CLSTN2: variants seen among roughly 807,000 people sequenced by gnomAD.
CLSTN2 encodes calsyntenin 2.
Under a neutral mutation model 101.2 loss-of-function variants are expected in CLSTN2, and 48 were observed. The observed-to-expected ratio is 0.47, with a 90% CI of 0.38 to 0.60. CLSTN2 has a LOEUF of 0.60. Ranked by LOEUF, CLSTN2 falls within the 20% of genes least tolerant of loss-of-function variation. The probability of loss-of-function intolerance (pLI) is 0.00; values close to 1 mark genes in which losing one functional copy is unlikely to be tolerated. For synonymous variants in CLSTN2, 481 were observed against 463.6 expected (o/e 1.04, Z -0.48); for missense variants, 1,160 against 1,238.2 (o/e 0.94, Z 0.95).
chr3:140,237,749 A>G (rs1390106675), intron 2 of CLSTN2, among the ~76,000 whole-genome samples: 1 of 152,056 alleles, frequency 6.6e-6, no homozygotes, highest in African/African-American at 2.4e-5. Flanking sequence ...ACATTTTTGC[A>G]GTGTTCTGTT....
chr3:140,492,206 G>A (rs1017655276), intron 8 of CLSTN2, among the ~76,000 whole-genome samples: 1 of 152,190 alleles, frequency 6.6e-6, no homozygotes, highest in Non-Finnish European at 1.5e-5. Flanking sequence ...CAGAGCAACT[G>A]GGAGTTTTGT....
rs138092791 is a variant in CLSTN2, at chr3:139,978,380, C to T, written c.109+42897C>T. Among the ~76,000 whole-genome samples, 463 of 152,196 alleles carry T rather than the reference C, an allele frequency of 3.0e-3. 3 individuals are homozygous for T. Among genetic ancestry groups the T allele is most frequent in the African/African-American group, 1.0e-2 (414 of 41,518 alleles). On this transcript the variant is annotated intron_variant, in intron 1 of 16. Coordinates refer to ENST00000458420, the MANE Select transcript of CLSTN2 (RefSeq NM_022131.3). ...GTGGGACAGAGACTGAGAGAATGAG[C>T]GTGTAAACTTCAAGTTTGGACGTTT...
chr3:140,086,706 C>T (rs1217815803), intron 1 of CLSTN2, among the ~76,000 whole-genome samples: 3 of 152,176 alleles, frequency 2.0e-5, no homozygotes, highest in Non-Finnish European at 4.4e-5. Context: ...TACAGTTCCC[C>T]TGGATATCAC....
In CLSTN2 at chr3:140,040,519, GAGA is replaced by G. The variant is rs150230238; in HGVS notation, c.109+105042_109+105044del. ...GCCCTTTCTTTGCTTGGGAGGTGGA[GAGA>G]AGAAGGTCAGTGACTAATGTCCCAC... is the stretch of plus-strand genomic sequence containing the variant. On this transcript the variant is annotated intron_variant, in intron 1 of 16. Coordinates refer to ENST00000458420, the MANE Select transcript of CLSTN2 (RefSeq NM_022131.3). 1.1e-3 allele frequency among the ~76,000 whole-genome samples: 172 copies of G among 152,000 alleles called. 4 individuals carry two copies. The East Asian group carries it at 0.03, about 27-fold the overall frequency.
chr3:140,148,948 T>G (rs2009821385), intron 1 of CLSTN2, among the ~76,000 whole-genome samples: 1 of 152,140 alleles, frequency 6.6e-6, no homozygotes, highest in African/African-American at 2.4e-5. Flanking sequence ...TGGTTTACTA[T>G]GGGGGAGAGG....
At chr3:140,292,756 G>C (rs924659353) in intron 2 of CLSTN2, among the ~76,000 whole-genome samples, 1 of 152,170 alleles carries the variant, frequency 6.6e-6, no homozygotes, top group South Asian at 2.1e-4. Flanking sequence ...CAATATAGCC[G>C]TCATGGGGCT....
chr3:140,410,335 T>A (rs912374240), intron 4 of CLSTN2, among the ~76,000 whole-genome samples: 2 of 149,474 alleles, frequency 1.3e-5, no homozygotes, highest in Non-Finnish European at 1.5e-5. Flanking sequence ...ACTGAAGCTA[T>A]CAGTATATTT....
chr3:140,130,136 G>T (rs1037670365), intron 1 of CLSTN2, among the ~76,000 whole-genome samples: 2 of 152,174 alleles, frequency 1.3e-5, no homozygotes, highest in Non-Finnish European at 2.9e-5. Flanking sequence ...TTGGAGGAGG[G>T]CTGGGGGCAG....
intron 5 of CLSTN2, among the ~76,000 whole-genome samples, chr3:140,434,853 T>C (rs2088670757): frequency 6.6e-6 from 1 of 152,242 alleles, no homozygotes; most frequent in Non-Finnish European, 1.5e-5. Flanking sequence ...TTTTCCTGTT[T>C]GTTTTCTTTT....
chr3:140,110,917 T>G (rs541757526), intron 1 of CLSTN2, among the ~76,000 whole-genome samples: 1 of 152,268 alleles, frequency 6.6e-6, no homozygotes, highest in South Asian at 2.1e-4. Context: ...CCACTTTGAT[T>G]CCAGAATCAT....
intron 2 of CLSTN2, among the ~76,000 whole-genome samples, chr3:140,196,311 C>T (rs566140545): frequency 3.9e-4 from 59 of 152,246 alleles, no homozygotes; most frequent in African/African-American, 1.2e-3. Context: ...GTCACACTAA[C>T]GAAAGTCCAG....
chr3:140,464,721 G>A (rs113422150), intron 7 of CLSTN2, among the ~76,000 whole-genome samples: 1 of 152,158 alleles, frequency 6.6e-6, no homozygotes, highest in Non-Finnish European at 1.5e-5. Flanking sequence ...TTTCCTAAGA[G>A]TTATCAACAG....
At chr3:140,124,575 T>A (rs563389616) in intron 1 of CLSTN2, among the ~76,000 whole-genome samples, 1 of 152,266 alleles carries the variant, frequency 6.6e-6, no homozygotes, top group African/African-American at 2.4e-5. Context: ...ATAAGTCCCC[T>A]GTATTTGGCC....
intron 1 of CLSTN2, among the ~76,000 whole-genome samples, chr3:139,974,147 A>C (rs530136420): frequency 3.9e-5 from 6 of 152,356 alleles, no homozygotes; most frequent in African/African-American, 1.4e-4. Context: ...GTTCGACCCA[A>C]GCCCAAAGTG....
At chr3:140,188,446 C>T (rs1471114731) in intron 2 of CLSTN2, among the ~76,000 whole-genome samples, 2 of 152,172 alleles carry the variant, frequency 1.3e-5, no homozygotes, top group Admixed American at 6.5e-5. Context: ...ATGCCTCATC[C>T]TGATGCTTAC....
At chr3:140,137,868 T>A (rs566997385) in intron 1 of CLSTN2, among the ~76,000 whole-genome samples, 1 of 152,270 alleles carries the variant, frequency 6.6e-6, no homozygotes, top group East Asian at 1.9e-4. Flanking sequence ...TTAAGCAGCA[T>A]CAGGGTTTGA....
intron 1 of CLSTN2, among the ~76,000 whole-genome samples, chr3:139,965,013 C>T (rs190897047): frequency 9.2e-5 from 14 of 152,236 alleles, no homozygotes; most frequent in Non-Finnish European, 1.5e-4. Context: ...AATGCCACTA[C>T]GGTTGATATT....
chr3:140,553,819 T>C (rs1209491580), intron 10 of CLSTN2, among the ~76,000 whole-genome samples: 1 of 152,140 alleles, frequency 6.6e-6, no homozygotes, highest in Non-Finnish European at 1.5e-5. Flanking sequence ...ACAAGGTGAC[T>C]GAGAAGTGTA....
chr3:140,553,200 TTG>T, intron 10 of CLSTN2, among the ~76,000 whole-genome samples: 1 of 152,288 alleles, frequency 6.6e-6, no homozygotes, highest in East Asian at 1.9e-4. Flanking sequence ...CAGAAGAGAA[TTG>T]TGTCACAAGG....
Sources: allele counts gnomAD v4.1 joint callset (sites outside exome capture counted in the v4.1 genomes callset), GRCh38; gene constraint gnomAD v4.1.1; transcripts MANE v1.5; gene names NCBI Gene and HGNC (gene_info 2026-07-23, HGNC 2026-07-21).